ACTR3: variants seen among roughly 807,000 people sequenced by gnomAD.
ACTR3 encodes actin related protein 3.
A neutral mutation model predicts 56.8 loss-of-function variants in ACTR3; 12 were observed. That is an observed-to-expected ratio of 0.21 (90% CI 0.14 to 0.34). The LOEUF (loss-of-function observed/expected upper bound fraction) is 0.34. Among genes scored for constraint, ACTR3 ranks in the 10% least tolerant of loss-of-function variants. ACTR3 has a pLI of 1.00. For missense variants in ACTR3, 282 were observed against 512.5 expected (o/e 0.55, Z 4.34); for synonymous variants, 162 against 167.4 (o/e 0.97, Z 0.25).
At chr2:113,947,426 C>T (rs1574381984) in intron 8 of ACTR3, among the ~76,000 whole-genome samples, 1 of 152,052 alleles carries the variant, frequency 6.6e-6, no homozygotes, top group Admixed American at 6.6e-5. Context: ...CCAAGGTGGG[C>T]GAATCACTCA....
chr2:113,891,670 TTG>T (rs1678903035), intron 1 of ACTR3, among the ~76,000 whole-genome samples: 2 of 151,832 alleles, frequency 1.3e-5, no homozygotes, highest in South Asian at 4.1e-4. Context: ...ACTTAAAAGA[TTG>T]TGTGTCCTTC....
At chr2:113,912,065 G>C (rs1456001526) in intron 1 of ACTR3, among the ~76,000 whole-genome samples, 1 of 151,966 alleles carries the variant, frequency 6.6e-6, no homozygotes, top group Non-Finnish European at 1.5e-5. Context: ...TAGTAGCGAG[G>C]GTGTTTCACC....
At chr2:113,946,632 G>T (rs1214933275) in intron 8 of ACTR3, among the ~76,000 whole-genome samples, 2 of 151,932 alleles carry the variant, frequency 1.3e-5, no homozygotes, top group African/African-American at 4.8e-5. Flanking sequence ...AATTTGCAAA[G>T]ATTTTCTCCC....
intron 4 of ACTR3, 49 bp downstream of exon 4, chr2:113,927,504 A>G (rs1679643295): frequency 5.0e-6 from 6 of 1,190,054 alleles, no homozygotes; most frequent in Non-Finnish European, 6.1e-6. Context: ...AATACACTTA[A>G]TGAGAACATT....
intron 2 of ACTR3, among the ~76,000 whole-genome samples, chr2:113,914,272 T>G (rs1679361811): frequency 3.3e-5 from 5 of 152,204 alleles, no homozygotes; most frequent in Admixed American, 2.6e-4. Context: ...TCAACTGTTT[T>G]GTCATTTGTG....
rs1231812493 is a variant in ACTR3 at position 113,959,752 on chromosome 2, A to ACT, written c.*2298_*2299dup. ...AATATGTAGAGGTTGGCCAAGGTGAACTAAATAGTCTGTAACATTGATTAG... is the reference window on the plus strand; with the variant it reads ...AATATGTAGAGGTTGGCCAAGGTGAACTCTAAATAGTCTGTAACATTGATTAG... On this transcript the variant is annotated 3_prime_UTR_variant, in exon 12 of 12. Coordinates refer to ENST00000263238, the MANE Select transcript of ACTR3 (RefSeq NM_005721.5). 2.0e-5 allele frequency: 3 copies of ACT among 152,044 alleles called. No homozygotes were observed. The East Asian group carries it at 5.8e-4, about 29-fold the overall frequency. 9.4% of individuals were successfully genotyped at this position (152,044 alleles called of 1,614,324 possible).
intron 6 of ACTR3, among the ~76,000 whole-genome samples, chr2:113,937,807 G>A (rs1312848153): frequency 2.0e-5 from 3 of 152,194 alleles, no homozygotes; most frequent in African/African-American, 4.8e-5. Flanking sequence ...ATTTGATTGT[G>A]ATGTACCTAA....
intron 4 of ACTR3, among the ~76,000 whole-genome samples, chr2:113,930,861 C>T (rs1320506568): frequency 1.3e-5 from 2 of 152,100 alleles, no homozygotes; most frequent in Admixed American, 6.5e-5. Context: ...TTACTGTAAT[C>T]CTATATACTT....
chr2:113,946,717 G>A (rs904683235), intron 8 of ACTR3, among the ~76,000 whole-genome samples: 4 of 152,060 alleles, frequency 2.6e-5, no homozygotes, highest in Non-Finnish European at 4.4e-5. Flanking sequence ...GATCCCATTT[G>A]TCATTTTTTG....
intron 7 of ACTR3, among the ~76,000 whole-genome samples, chr2:113,940,815 T>C (rs1422558149): frequency 6.7e-6 from 1 of 149,166 alleles, no homozygotes; most frequent in Non-Finnish European, 1.5e-5. Context: ...TTCTTATTTT[T>C]ATTGATTTTT....
chr2:113,941,561 TAAAA>T (rs1390586501), intron 7 of ACTR3, among the ~76,000 whole-genome samples: 1 of 152,140 alleles, frequency 6.6e-6, no homozygotes, highest in East Asian at 1.9e-4. Flanking sequence ...TTTAAAAAAA[TAAAA>T]CAAATATTGG....
At position 113,960,449 on chromosome 2, in the gene ACTR3, G is replaced by T. The variant is rs1399355500; in HGVS notation, c.*2994G>T. 2.6e-5 allele frequency: 4 copies of T among 151,798 alleles called. No individual in the cohort carries two copies. The highest frequency in any genetic ancestry group is 5.9e-5 in the Non-Finnish European group (4 of 67,878). The allele number at this position is 151,798 out of a possible 1,614,324, so 9.4% of individuals were successfully genotyped here. ...AATAATATGAAATACAGGGATAATAGGCCAATTATGATCTTTATTTTTAAT... is the reference window on the plus strand; with the variant it reads ...AATAATATGAAATACAGGGATAATATGCCAATTATGATCTTTATTTTTAAT... On this transcript the variant is annotated 3_prime_UTR_variant, in exon 12 of 12. Coordinates refer to ENST00000263238, the MANE Select transcript of ACTR3 (RefSeq NM_005721.5).
chr2:113,953,490 TATAGGAAAAA>T (rs1160144690), intron 10 of ACTR3: 2 of 152,210 alleles, frequency 1.3e-5, no homozygotes, highest in Non-Finnish European at 2.9e-5. Context: ...GCTCATCATG[TATAGGAAAAA>T]CCTTGTGTTT....
chr2:113,897,099 A>G (rs1381450826), intron 1 of ACTR3, among the ~76,000 whole-genome samples: 1 of 152,242 alleles, frequency 6.6e-6, no homozygotes. Flanking sequence ...AGACAGTAGC[A>G]TAAAGAAGCA....
At chr2:113,948,470 C>T (rs1680061705) in intron 8 of ACTR3, among the ~76,000 whole-genome samples, 1 of 152,062 alleles carries the variant, frequency 6.6e-6, no homozygotes, top group African/African-American at 2.4e-5. Context: ...CGTTGTCTGT[C>T]GAATTCCAAC....
At chr2:113,913,986 A>G (rs1679356236) in intron 2 of ACTR3, among the ~76,000 whole-genome samples, 1 of 152,230 alleles carries the variant, frequency 6.6e-6, no homozygotes, top group Non-Finnish European at 1.5e-5. Context: ...AAACTTTTGC[A>G]TACCAAGTGA....
intron 1 of ACTR3, among the ~76,000 whole-genome samples, chr2:113,909,598 A>G (rs1679263817): frequency 6.6e-6 from 1 of 151,060 alleles, no homozygotes; most frequent in South Asian, 2.1e-4. Flanking sequence ...AGTTGTGATA[A>G]AAGTTTTTTT....
At chr2:113,935,136 C>G (rs953495876) in intron 6 of ACTR3, among the ~76,000 whole-genome samples, 4 of 151,970 alleles carry the variant, frequency 2.6e-5, no homozygotes, top group Non-Finnish European at 5.9e-5. Flanking sequence ...GACTCCTGGT[C>G]CTCCACCACT....
At chr2:113,894,937 G>C (rs1678977403) in intron 1 of ACTR3, among the ~76,000 whole-genome samples, 1 of 151,854 alleles carries the variant, frequency 6.6e-6, no homozygotes, top group Admixed American at 6.6e-5. Context: ...TTGCTTCATT[G>C]TTGTTAGTAA....
Sources: allele counts gnomAD v4.1 joint callset (sites outside exome capture counted in the v4.1 genomes callset), GRCh38; gene constraint gnomAD v4.1.1; transcripts MANE v1.5; gene names NCBI Gene and HGNC (gene_info 2026-07-23, HGNC 2026-07-21).